BCAT1: variants seen among roughly 807,000 people sequenced by gnomAD.
BCAT1 encodes branched-chain-amino-acid aminotransferase, cytosolic.
Under a neutral mutation model 52.4 loss-of-function variants are expected in BCAT1, and 48 were observed. That is an observed-to-expected ratio of 0.92 (90% CI 0.73 to 1.16). The LOEUF (loss-of-function observed/expected upper bound fraction) is 1.16, where lower values mean the gene tolerates loss of function less well. BCAT1 is among the 50% of genes most tolerant of loss of function. The pLI is 0.00. For missense variants in BCAT1, 451 were observed against 457.1 expected, an observed-to-expected ratio of 0.99 and a Z score of 0.12; for synonymous variants, 167 against 161.3, an observed-to-expected ratio of 1.04 and a Z score of -0.27.
At chr12:24,867,189 G>A (rs1942045386) in intron 5 of BCAT1, among the ~76,000 whole-genome samples, 1 of 151,952 alleles carries the variant, frequency 6.6e-6, no homozygotes, top group Non-Finnish European at 1.5e-5. Context: ...GAACACATCT[G>A]AACATCAGAA....
At chr12:24,897,805 C>G (rs531265801) in intron 2 of BCAT1, among the ~76,000 whole-genome samples, 3 of 152,148 alleles carry the variant, frequency 2.0e-5, no homozygotes, top group African/African-American at 7.2e-5. Context: ...CCACCCACCT[C>G]GGCCTCTGAA....
At chr12:24,873,231 A>C (rs1222870914) in intron 5 of BCAT1, among the ~76,000 whole-genome samples, 1 of 152,224 alleles carries the variant, frequency 6.6e-6, no homozygotes, top group African/African-American at 2.4e-5. Flanking sequence ...TTATTTAAAT[A>C]TTATGATCTG....
chr12:24,810,419 CCTTTT>C lies in BCAT1; in HGVS notation c.*7584_*7588del, dbSNP rs1326313424. On this transcript the variant is annotated 3_prime_UTR_variant, in exon 11 of 11. Transcript: ENST00000261192. Reference sequence around the variant, plus strand: ...AATAATTATAAAATTTGAAATATCCCCTTTTCTTTTTGTTTTGTACTAAATCAATG... The same window carrying C: ...AATAATTATAAAATTTGAAATATCCCCTTTTTGTTTTGTACTAAATCAATG... 1 of 152,104 alleles carries C rather than the reference CCTTTT, an allele frequency of 6.6e-6. No individual in the cohort carries two copies. The highest frequency in any genetic ancestry group is 1.5e-5 in the Non-Finnish European group (1 of 68,012). The allele number at this position is 152,104 out of a possible 1,614,324, so 9.4% of individuals were successfully genotyped here. A position where few individuals can be genotyped will look rare whatever the true frequency, so the allele number is the denominator to read the frequency against.
chr12:24,893,843 T>C (rs1214297898), intron 3 of BCAT1, among the ~76,000 whole-genome samples: 2 of 152,230 alleles, frequency 1.3e-5, no homozygotes, highest in East Asian at 1.9e-4. Context: ...TTTAATTACA[T>C]GTCCCTTAAC....
intron 10 of BCAT1, among the ~76,000 whole-genome samples, chr12:24,821,712 G>A (rs10505952): frequency 0.047 from 7,173 of 152,270 alleles, 233 homozygotes; most frequent in East Asian, 0.18. Flanking sequence ...GAGGTATAAA[G>A]AGAGTGAACG....
intron 6 of BCAT1, among the ~76,000 whole-genome samples, chr12:24,845,040 C>T (rs935818748): frequency 6.6e-6 from 1 of 151,176 alleles, no homozygotes; most frequent in Admixed American, 6.6e-5. Flanking sequence ...TGGTGAAACC[C>T]TGTCTCTACC....
chr12:24,899,777 GAA>G (rs72262709), intron 2 of BCAT1, among the ~76,000 whole-genome samples: 37,964 of 133,902 alleles, frequency 0.28, 5,186 homozygotes, highest in Middle Eastern at 0.46. Context: ...GCCAAACACA[GAA>G]AAAAAAAAAA....
At chr12:24,820,204 A>T (rs987246057) in intron 10 of BCAT1, among the ~76,000 whole-genome samples, 4 of 152,216 alleles carry the variant, frequency 2.6e-5, no homozygotes, top group African/African-American at 9.6e-5. Flanking sequence ...GCGAACCTGC[A>T]TAATATGCAC....
intron 5 of BCAT1, among the ~76,000 whole-genome samples, chr12:24,864,088 G>C (rs1356264279): frequency 6.6e-6 from 1 of 152,186 alleles, no homozygotes; most frequent in Non-Finnish European, 1.5e-5. Context: ...TATAAAAGCA[G>C]AGGTGAGTAG....
chr12:24,949,162 T>TAGGAACC, upstream of BCAT1: 1 of 560,212 alleles, frequency 1.8e-6, no homozygotes, highest in Non-Finnish European at 3.2e-6. Context: ...AGGAAGACAC[T>TAGGAACC]AAGGCTGCTC....
chr12:24,859,546 G>C (rs558123523), intron 5 of BCAT1, among the ~76,000 whole-genome samples: 1 of 148,736 alleles, frequency 6.7e-6, no homozygotes, highest in African/African-American at 2.5e-5. Context: ...GTGTGAACCC[G>C]GGAGACGGAG....
chr12:24,932,228 C>T (rs2139744284), intron 1 of BCAT1, among the ~76,000 whole-genome samples: 1 of 152,320 alleles, frequency 6.6e-6, no homozygotes, highest in East Asian at 1.9e-4. Flanking sequence ...CTCAAAACCT[C>T]TCAGGGGCAT....
upstream of BCAT1, chr12:24,949,243 C>T (rs1344743154): frequency 3.5e-5 from 17 of 482,504 alleles, no homozygotes; most frequent in Non-Finnish European, 5.9e-5. Context: ...AGACCCGAGC[C>T]TCACTCACTG....
chr12:24,832,824 C>A lies in BCAT1; in HGVS notation c.943G>T (p.Asp315Tyr). The A allele has an allele frequency of 6.2e-7, 1 of 1,612,490 alleles. No individual in the cohort carries two copies. The highest frequency in any genetic ancestry group is 8.5e-7 in the Non-Finnish European group (1 of 1,179,206). Residue 315 changes from aspartate to tyrosine, a missense_variant, in exon 9 of 11, where the codon GAC becomes TAC. Asp to Tyr is a radical substitution (Grantham distance 160). Coordinates refer to ENST00000261192, the MANE Select transcript of BCAT1 (RefSeq NM_005504.7). ...TTCCCCTCCAGGGCTGTTGTCAAGT[C>A]ATCCATGGTGAGGTATCTCTCTGAC... ...KVSERYLTMD[D>Y]LTTALEGNRV...
chr12:24,882,496 C>T (rs573673008), intron 3 of BCAT1, among the ~76,000 whole-genome samples: 127 of 151,948 alleles, frequency 8.4e-4, no homozygotes, highest in Admixed American at 1.5e-3. Context: ...ACTAAAGCTT[C>T]GGTTAAAATA....
chr12:24,925,871 C>T (rs543339772), intron 1 of BCAT1, among the ~76,000 whole-genome samples: 3 of 152,114 alleles, frequency 2.0e-5, no homozygotes, highest in Non-Finnish European at 2.9e-5. Context: ...GGATTGCAGA[C>T]GGAGTCTCGT....
At chr12:24,901,736 T>C in intron 2 of BCAT1, 78 bp downstream of exon 2, 2 of 1,456,654 alleles carry the variant, frequency 1.4e-6, no homozygotes, top group South Asian at 2.5e-5. Flanking sequence ...CAGTGAAAAT[T>C]TCCCCGAATC....
At position 24,817,704 on chromosome 12, in the gene BCAT1, T is replaced by A. The variant is rs148858556; in HGVS notation, c.*304A>T. 3.9e-3 allele frequency: 1,219 copies of A among 314,640 alleles called. 28 individuals carry two copies. The highest frequency in any genetic ancestry group is 1.2e-3 in the Non-Finnish European group (211 of 168,906). The allele number at this position is 314,640 out of a possible 1,614,324, so 19.5% of individuals were successfully genotyped here. A position where few individuals can be genotyped will look rare whatever the true frequency, so the allele number is the denominator to read the frequency against. On this transcript the variant is annotated 3_prime_UTR_variant, in exon 11 of 11. Transcript: ENST00000261192. ...TTAAAGAATAAACTACTATTTAGTA[T>A]CTGAGTGAAGTACAAAAGGAGGCAC...
At chr12:24,845,043 T>A (rs1337951632) in intron 6 of BCAT1, among the ~76,000 whole-genome samples, 2 of 151,152 alleles carry the variant, frequency 1.3e-5, no homozygotes, top group African/African-American at 2.4e-5. Context: ...TGAAACCCTG[T>A]CTCTACCAAA....
Sources: gnomAD v4.1 joint callset for allele counts (sites outside exome capture counted in the v4.1 genomes callset) on GRCh38, gnomAD v4.1.1 for gene constraint, MANE v1.5 for transcripts, NCBI Gene and HGNC (gene_info 2026-07-23, HGNC 2026-07-21) for gene names.